PBRM1: variants seen among roughly 807,000 people sequenced by gnomAD.
PBRM1 encodes polybromo 1.
Under a neutral mutation model 194.5 loss-of-function variants are expected in PBRM1, and 27 were observed. The observed-to-expected ratio is 0.14, with a 90% CI of 0.10 to 0.19. The LOEUF (loss-of-function observed/expected upper bound fraction) is 0.19, where lower values mean the gene tolerates loss of function less well. Ranked by LOEUF, PBRM1 falls within the 10% of genes least tolerant of loss-of-function variation. The pLI, the probability that PBRM1 is intolerant of heterozygous loss-of-function variation, is 1.00. For missense variants in PBRM1, 1,466 were observed against 2,077.2 expected (o/e 0.71, Z 5.72); for synonymous variants, 655 against 693.2 (o/e 0.94, Z 0.87).
At chr3:52,607,371 T>G (rs1345346349) in intron 16 of PBRM1, among the ~76,000 whole-genome samples, 1 of 152,148 alleles carries the variant, frequency 6.6e-6, no homozygotes, top group African/African-American at 2.4e-5. Context: ...TGCATCACTA[T>G]CTCATAAAAA....
chr3:52,587,736 T>C (rs577909278), intron 18 of PBRM1, among the ~76,000 whole-genome samples: 2 of 151,986 alleles, frequency 1.3e-5, no homozygotes, highest in Non-Finnish European at 2.9e-5. Flanking sequence ...TTTGCAAAAT[T>C]AGGAAATACA....
intron 15 of PBRM1, among the ~76,000 whole-genome samples, chr3:52,613,202 A>G (rs2094743271): frequency 6.6e-6 from 1 of 152,232 alleles, no homozygotes; most frequent in Non-Finnish European, 1.5e-5. Flanking sequence ...ACTATGTGGA[A>G]GTGAAATGAC....
intron 16 of PBRM1, among the ~76,000 whole-genome samples, chr3:52,606,545 G>A (rs538675302): frequency 1.3e-5 from 2 of 152,218 alleles, no homozygotes; most frequent in South Asian, 4.1e-4. Context: ...CTGTACAAGA[G>A]TCACTAAACA....
intron 4 of PBRM1, among the ~76,000 whole-genome samples, chr3:52,659,167 T>C (rs2096667331): frequency 6.6e-6 from 1 of 152,208 alleles, no homozygotes; most frequent in Non-Finnish European, 1.5e-5. Flanking sequence ...CACTGGTTTA[T>C]ACCTAGCTTA....
At chr3:52,642,772 C>T (rs2096147562) in intron 9 of PBRM1, among the ~76,000 whole-genome samples, 1 of 151,632 alleles carries the variant, frequency 6.6e-6, no homozygotes, top group Non-Finnish European at 1.5e-5. Flanking sequence ...GATATAAGGC[C>T]TACGTTAGTA....
rs72950434 is a variant in PBRM1 at position 52,668,490 on chromosome 3, T to C, written c.384+8A>G. Reference sequence around the variant, plus strand: ...ATTGGTATCTTTCCAAATTTCATAATTTCTTACCTTATAATAGGACTTTGC... The same window carrying C: ...ATTGGTATCTTTCCAAATTTCATAACTTCTTACCTTATAATAGGACTTTGC... On this transcript the variant is annotated splice_region_variant and intron_variant, in intron 3 of 29. Coordinates refer to ENST00000296302, the Ensembl canonical transcript of PBRM1. 2,406 of 1,581,472 alleles carry C rather than the reference T, an allele frequency of 1.5e-3. 42 individuals are homozygous for C. The African/African-American group carries it at 0.029, about 19-fold the overall frequency.
At chr3:52,554,215 A>C (rs1228884282) in intron 27 of PBRM1, among the ~76,000 whole-genome samples, 5 of 152,202 alleles carry the variant, frequency 3.3e-5, no homozygotes, top group Non-Finnish European at 7.3e-5. Context: ...GTTCTACCTT[A>C]GCAGCTCTGC....
rs1055995825 is a variant in PBRM1 at position 52,625,551 on chromosome 3, T to C, written c.1541+1722A>G. Among the ~76,000 whole-genome samples, 5 of 152,252 alleles carry C rather than the reference T, an allele frequency of 3.3e-5. No individual in the cohort carries two copies. The South Asian group carries it at 6.2e-4, about 19-fold the overall frequency. ...ACTTTTTGTCTGAAGTAAGATTTTTTTAAATTAAGAACATAATGCTTAACT... is the reference window on the plus strand; with the variant it reads ...ACTTTTTGTCTGAAGTAAGATTTTTCTAAATTAAGAACATAATGCTTAACT... On this transcript the variant is annotated intron_variant, in intron 13 of 29. Transcript: ENST00000296302.
intron 13 of PBRM1, among the ~76,000 whole-genome samples, chr3:52,621,640 A>G (rs947186277): frequency 6.6e-6 from 1 of 152,238 alleles, no homozygotes; most frequent in Non-Finnish European, 1.5e-5. Flanking sequence ...AGGTCTTGTA[A>G]CTGGCATAAT....
chr3:52,641,565 T>C (rs60040519), intron 10 of PBRM1, among the ~76,000 whole-genome samples: 2,147 of 151,500 alleles, frequency 0.014, 19 homozygotes, highest in South Asian at 0.036. Flanking sequence ...GAAAATATTA[T>C]ATCAAACTTA....
intron 15 of PBRM1, among the ~76,000 whole-genome samples, chr3:52,611,804 CACAAA>C (rs772715707): frequency 6.6e-6 from 1 of 151,624 alleles, no homozygotes. Context: ...ACCCTGTCTC[CACAAA>C]ACAAAACAAA....
chr3:52,550,658 A>T (rs770902389), intron 28 of PBRM1, 21 bp from the exon 31 acceptor site: 2 of 1,562,686 alleles, frequency 1.3e-6, no homozygotes, highest in Non-Finnish European at 1.7e-6. Context: ...ACAGGACCAC[A>T]TGGTGAGGCA....
chr3:52,660,305 A>G (rs1324665441), intron 4 of PBRM1, among the ~76,000 whole-genome samples: 6 of 152,192 alleles, frequency 3.9e-5, no homozygotes, highest in Non-Finnish European at 5.9e-5. Context: ...TCCTGTATTC[A>G]TATTAGAGAG....
chr3:52,592,122 GTTT>G (rs1168998355), intron 17 of PBRM1, among the ~76,000 whole-genome samples: 5 of 120,274 alleles, frequency 4.2e-5, no homozygotes, highest in East Asian at 4.5e-4. Context: ...ACTGCACCAG[GTTT>G]TTTTTTTTTT....
intron 20 of PBRM1, among the ~76,000 whole-genome samples, chr3:52,581,166 C>T (rs1436354588): frequency 2.0e-5 from 3 of 152,188 alleles, no homozygotes; most frequent in African/African-American, 7.2e-5. Flanking sequence ...ACATTCTGAT[C>T]TTTATGACTT....
chr3:52,559,651 TAC>T (rs2082997126), intron 25 of PBRM1, among the ~76,000 whole-genome samples: 1 of 152,128 alleles, frequency 6.6e-6, no homozygotes, highest in South Asian at 2.1e-4. Flanking sequence ...CATATGGCTT[TAC>T]AGAGAATCAA....
intron 22 of PBRM1, among the ~76,000 whole-genome samples, chr3:52,573,771 T>G (rs2088358760): frequency 6.6e-6 from 1 of 152,144 alleles, no homozygotes; most frequent in African/African-American, 2.4e-5. Context: ...ACCAAGCAAA[T>G]GCTTAATTAA....
At chr3:52,651,703 C>T (rs746594145) in intron 6 of PBRM1, 39 bp downstream of exon 7, 2 of 1,273,654 alleles carry the variant, frequency 1.6e-6, no homozygotes, top group East Asian at 2.4e-5. Context: ...GGCCAATCTG[C>T]TCTAAACCAC....
upstream of PBRM1, among the ~76,000 whole-genome samples, chr3:52,683,629 C>T (rs2097253148): frequency 6.6e-6 from 1 of 151,912 alleles, no homozygotes; most frequent in Non-Finnish European, 1.5e-5. Flanking sequence ...GCCTGGCCAA[C>T]ACGGTGAAAC....
Sources: allele counts gnomAD v4.1 joint callset (sites outside exome capture counted in the v4.1 genomes callset), GRCh38; gene constraint gnomAD v4.1.1; transcripts MANE v1.5; gene names NCBI Gene and HGNC (gene_info 2026-07-23, HGNC 2026-07-21).